The following CD109 variants were observed in gnomAD, a reference collection of about 807,000 sequenced individuals.
CD109 encodes CD109 molecule.
CD109 carries 149 observed loss-of-function variants against 165.8 expected under a neutral mutation model. The observed-to-expected ratio is 0.90, with a 90% CI of 0.79 to 1.03. The LOEUF (loss-of-function observed/expected upper bound fraction) is 1.03. Ranked by LOEUF, CD109 falls within the 50% of genes least tolerant of loss-of-function variation. The pLI, the probability that CD109 is intolerant of heterozygous loss-of-function variation, is 0.00. For synonymous variants in CD109, 585 were observed against 592.1 expected, an observed-to-expected ratio of 0.99 and a Z score of 0.18; for missense variants, 1,712 against 1,677.8, an observed-to-expected ratio of 1.02 and a Z score of -0.36.
chr6:73,799,986 A>C (rs1185630825), intron 23 of CD109, among the ~76,000 whole-genome samples: 1 of 151,742 alleles, frequency 6.6e-6, no homozygotes, highest in Non-Finnish European at 1.5e-5. Flanking sequence ...CCTTCTGAAC[A>C]GGTGGGACTA....
At chr6:73,748,528 A>G (rs967437350) in intron 5 of CD109, among the ~76,000 whole-genome samples, 5 of 152,132 alleles carry the variant, frequency 3.3e-5, no homozygotes, top group Middle Eastern at 3.2e-3. Flanking sequence ...CCTTCTTTCC[A>G]CTAGATCAGA....
intron 24 of CD109, among the ~76,000 whole-genome samples, chr6:73,804,965 A>T (rs1247063584): frequency 7.2e-5 from 11 of 152,232 alleles, no homozygotes; most frequent in Non-Finnish European, 2.9e-5. Context: ...ATCTCACACC[A>T]GTTAGAATGG....
intron 3 of CD109, among the ~76,000 whole-genome samples, chr6:73,724,656 C>T (rs912270638): frequency 9.9e-5 from 15 of 150,950 alleles, no homozygotes; most frequent in African/African-American, 2.9e-4. Flanking sequence ...GTCTGTTGCC[C>T]GGGCTGGAGT....
chr6:73,803,608 G>A (rs1277586079), intron 24 of CD109, among the ~76,000 whole-genome samples: 1 of 151,500 alleles, frequency 6.6e-6, no homozygotes, highest in Admixed American at 6.6e-5. Flanking sequence ...TAGAAATGCC[G>A]GGTGATTGTG....
At chr6:73,787,966 C>T (rs189798457) in intron 21 of CD109, among the ~76,000 whole-genome samples, 1 of 152,296 alleles carries the variant, frequency 6.6e-6, no homozygotes, top group Non-Finnish European at 1.5e-5. Context: ...ATAGGAACTA[C>T]CTCAAAGGGT....
At chr6:73,732,220 G>T (rs1345254454) in intron 4 of CD109, among the ~76,000 whole-genome samples, 6 of 152,162 alleles carry the variant, frequency 3.9e-5, no homozygotes, top group Non-Finnish European at 1.5e-5. Context: ...AACATAGTGT[G>T]GAAGGTAAAG....
At chr6:73,756,578 TA>T in intron 5 of CD109, 64 bp from the exon 6 acceptor site, 1 of 1,091,854 alleles carries the variant, frequency 9.2e-7, no homozygotes, top group Non-Finnish European at 1.3e-6. Context: ...TGCAAGTAAG[TA>T]AGCAAGCAAA....
rs778009226 is a variant in CD109 at position 73,808,083 on chromosome 6, C to G, written c.3190C>G (p.Pro1064Ala). The change falls in exon 26 of 33, where the codon CCT becomes GCT. Residue 1064 changes from proline (P) to alanine (A), a missense_variant and splice_region_variant. Physicochemically the swap from Pro to Ala is conservative, Grantham distance 27. Transcript: ENST00000287097. Reference sequence around the variant, plus strand: ...AAAAACATACTTTTTTTCTTCCAAGCCTAACATTGATGTGCAAGAGTCTAT... The same window carrying G: ...AAAAACATACTTTTTTTCTTCCAAGGCTAACATTGATGTGCAAGAGTCTAT... Reference protein sequence around the residue: ...TSLLGYRKYQPNIDVQESIHF... With the variant: ...TSLLGYRKYQANIDVQESIHF... 1.2e-6 allele frequency: 2 copies of G among 1,611,092 alleles called. No individual in the cohort carries two copies. The highest frequency in any genetic ancestry group is 4.5e-5 in the East Asian group (2 of 44,840).
At chr6:73,798,491 T>G (rs1775249173) in intron 23 of CD109, among the ~76,000 whole-genome samples, 1 of 152,112 alleles carries the variant, frequency 6.6e-6, no homozygotes, top group Admixed American at 6.5e-5. Flanking sequence ...TCCACAATGA[T>G]GCATGCTGGT....
At position 73,787,378 on chromosome 6, in the gene CD109, G is replaced by T; in HGVS notation, c.2482G>T (p.Gly828Ter). Reference protein sequence around the residue: ...VLFPIRPTHLGEIPITVTALS... With the variant: ...VLFPIRPTHL ...TTTTCCCATCAGGCCAACACATCTG[G>T]GAGAAATTCCTATCACAGTCACAGC... The change falls in exon 21 of 33, where the codon GGA becomes TGA. Residue 828 changes from glycine (G) to a stop codon, truncating the protein, a stop_gained. Coordinates refer to ENST00000287097, the MANE Select transcript of CD109 (RefSeq NM_133493.5). LOFTEE classifies it high-confidence loss of function. 6.2e-7 allele frequency: 1 copy of T among 1,614,088 alleles called. No individual in the cohort carries two copies. The highest frequency in any genetic ancestry group is 8.5e-7 in the Non-Finnish European group (1 of 1,179,982).
intron 29 of CD109, 78 bp from the exon 30 acceptor site, chr6:73,814,903 A>G (rs566370415): frequency 1.2e-3 from 1,264 of 1,018,786 alleles, no homozygotes; most frequent in Middle Eastern, 2.4e-3. Flanking sequence ...GAGAATCATT[A>G]CCTAATACAG....
At chr6:73,745,348 G>T (rs574330746) in intron 5 of CD109, among the ~76,000 whole-genome samples, 1 of 152,062 alleles carries the variant, frequency 6.6e-6, no homozygotes, top group African/African-American at 2.4e-5. Context: ...CAGGTGATCC[G>T]CCCGCCCTGG....
At chr6:73,743,974 G>C (rs1772884267) in intron 5 of CD109, among the ~76,000 whole-genome samples, 1 of 152,188 alleles carries the variant, frequency 6.6e-6, no homozygotes, top group Non-Finnish European at 1.5e-5. Context: ...TTCTTCCAAA[G>C]GCCCCGATAA....
At chr6:73,782,316 GC>G (rs770525275) in intron 17 of CD109, among the ~76,000 whole-genome samples, 2 of 152,098 alleles carry the variant, frequency 1.3e-5, no homozygotes, top group Non-Finnish European at 2.9e-5. Context: ...AATCTTCCAA[GC>G]ATGTTTTTCC....
intron 17 of CD109, among the ~76,000 whole-genome samples, chr6:73,781,767 A>ACT (rs1439954972): frequency 6.6e-6 from 1 of 150,648 alleles, no homozygotes; most frequent in Non-Finnish European, 1.5e-5. Context: ...ACACACACAC[A>ACT]CACAGACACA....
chr6:73,708,610 CA>C (rs1403357054), intron 2 of CD109, among the ~76,000 whole-genome samples: 1 of 152,206 alleles, frequency 6.6e-6, no homozygotes, highest in Non-Finnish European at 1.5e-5. Flanking sequence ...TTTACAGTCC[CA>C]CCAACAGTGT....
At chr6:73,817,845 T>C (rs1387279607) in intron 30 of CD109, among the ~76,000 whole-genome samples, 1 of 152,098 alleles carries the variant, frequency 6.6e-6, no homozygotes, top group African/African-American at 2.4e-5. Flanking sequence ...AAACAGAAAA[T>C]GTTCTTCAAG....
At chr6:73,713,954 C>G (rs540269991) in intron 2 of CD109, among the ~76,000 whole-genome samples, 1 of 152,068 alleles carries the variant, frequency 6.6e-6, no homozygotes, top group Admixed American at 6.5e-5. Flanking sequence ...AATTTGCTGC[C>G]GGTGGGTGGT....
At chr6:73,748,365 G>C (rs1773060779) in intron 5 of CD109, among the ~76,000 whole-genome samples, 1 of 152,152 alleles carries the variant, frequency 6.6e-6, no homozygotes, top group Non-Finnish European at 1.5e-5. Flanking sequence ...ACAAAATTCA[G>C]ATGTTTTACC....
Sources: gnomAD v4.1 joint callset for allele counts (sites outside exome capture counted in the v4.1 genomes callset) on GRCh38, gnomAD v4.1.1 for gene constraint, MANE v1.5 for transcripts, NCBI Gene and HGNC (gene_info 2026-07-23, HGNC 2026-07-21) for gene names.